Variants in LEKR1 observed in about 807,000 individuals in gnomAD.
LEKR1 encodes protein LEKR1.
A neutral mutation model predicts 72.4 loss-of-function variants in LEKR1; 59 were observed. The observed-to-expected ratio is 0.82, with a 90% CI of 0.66 to 1.01. The LOEUF (loss-of-function observed/expected upper bound fraction) is 1.01, where lower values mean the gene tolerates loss of function less well. Among genes scored for constraint, LEKR1 ranks in the 50% least tolerant of loss-of-function variants. The pLI, the probability that LEKR1 is intolerant of heterozygous loss-of-function variation, is 0.00. For missense variants in LEKR1, 728 were observed against 759.2 expected (o/e 0.96, Z 0.48); for synonymous variants, 257 against 263.2 (o/e 0.98, Z 0.23).
At chr3:156,972,697 AAAT>A (rs1220317562) in intron 6 of LEKR1, among the ~76,000 whole-genome samples, 1 of 142,528 alleles carries the variant, frequency 7.0e-6, no homozygotes, top group Non-Finnish European at 1.5e-5. Context: ...TAAGCAGATA[AAAT>A]AATATTATAT....
At chr3:156,890,538 A>C (rs1720543652) in intron 3 of LEKR1, among the ~76,000 whole-genome samples, 1 of 152,224 alleles carries the variant, frequency 6.6e-6, no homozygotes, top group Admixed American at 6.5e-5. Context: ...ATTTCTAAAT[A>C]TGAATAATTC....
At chr3:156,964,105 T>C (rs1404028205) in intron 6 of LEKR1, among the ~76,000 whole-genome samples, 1 of 152,202 alleles carries the variant, frequency 6.6e-6, no homozygotes, top group Non-Finnish European at 1.5e-5. Flanking sequence ...ATATGATGGT[T>C]TTTTGTTTTC....
At chr3:156,845,688 T>C (rs1303228416) in intron 2 of LEKR1, among the ~76,000 whole-genome samples, 2 of 152,130 alleles carry the variant, frequency 1.3e-5, no homozygotes, top group Non-Finnish European at 2.9e-5. Context: ...TTGATCTATG[T>C]GTCCTTCCTT....
intron 12 of LEKR1, among the ~76,000 whole-genome samples, chr3:157,037,344 A>G (rs550477242): frequency 6.6e-6 from 1 of 152,184 alleles, no homozygotes; most frequent in Admixed American, 6.5e-5. Context: ...CATTAATTTT[A>G]AAAAATTAAA....
chr3:156,966,374 C>A (rs1728589066), intron 6 of LEKR1, among the ~76,000 whole-genome samples: 1 of 152,146 alleles, frequency 6.6e-6, no homozygotes, highest in South Asian at 2.1e-4. Flanking sequence ...AATTCCCTTT[C>A]CTAGTAAAAG....
At chr3:156,877,041 G>C (rs189866075) in intron 3 of LEKR1, among the ~76,000 whole-genome samples, 2 of 152,086 alleles carry the variant, frequency 1.3e-5, no homozygotes, top group Admixed American at 1.3e-4. Flanking sequence ...AAGGATGCTG[G>C]GTTTTGTCAA....
At chr3:156,993,994 G>C (rs1164145576) in intron 9 of LEKR1, among the ~76,000 whole-genome samples, 1 of 151,864 alleles carries the variant, frequency 6.6e-6, no homozygotes, top group Non-Finnish European at 1.5e-5. Context: ...GCTTCTTTAA[G>C]AGATTATTTC....
chr3:156,902,067 C>T (rs937742087), intron 3 of LEKR1, among the ~76,000 whole-genome samples: 1 of 152,098 alleles, frequency 6.6e-6, no homozygotes, highest in Non-Finnish European at 1.5e-5. Flanking sequence ...AAAAACAGAC[C>T]AGGGTTTAAA....
chr3:156,901,962 G>T (rs1452440037), intron 3 of LEKR1, among the ~76,000 whole-genome samples: 1 of 152,206 alleles, frequency 6.6e-6, no homozygotes, highest in Non-Finnish European at 1.5e-5. Flanking sequence ...AGGATTACAC[G>T]TGTGAGTCAC....
intron 3 of LEKR1, among the ~76,000 whole-genome samples, chr3:156,857,012 G>C (rs1056973716): frequency 6.6e-6 from 1 of 151,950 alleles, no homozygotes; most frequent in Admixed American, 6.6e-5. Flanking sequence ...ATCCTGCCTA[G>C]TATGTTTCTG....
In LEKR1 at chr3:156,910,526, G is replaced by A. The variant is rs945596735; in HGVS notation, c.264-10049G>A. On this transcript the variant is annotated intron_variant, in intron 3 of 12. Coordinates refer to ENST00000356539, the MANE Select transcript of LEKR1 (RefSeq NM_001004316.3). ...ACTGTGGTCAGCACCTGAGTAACGGGATCATTTGTACCCAAAACCTCAGCA... is the reference window on the plus strand; with the variant it reads ...ACTGTGGTCAGCACCTGAGTAACGGAATCATTTGTACCCAAAACCTCAGCA... Among the ~76,000 whole-genome samples the A allele has an allele frequency of 2.6e-5, 4 of 152,118 alleles. No homozygotes were observed. The South Asian group carries it at 8.3e-4, about 32-fold the overall frequency.
intron 5 of LEKR1, among the ~76,000 whole-genome samples, chr3:156,936,463 ACACC>A (rs774582889): frequency 0.075 from 9,150 of 121,888 alleles, 355 homozygotes; most frequent in South Asian, 0.16. Flanking sequence ...ACACACACAC[ACACC>A]CCCCGTATGC....
chr3:156,876,979 A>G (rs1407030760), intron 3 of LEKR1, among the ~76,000 whole-genome samples: 1 of 152,124 alleles, frequency 6.6e-6, no homozygotes, highest in African/African-American at 2.4e-5. Flanking sequence ...AGCTTTTATT[A>G]CCTTAAGGTA....
At chr3:157,011,374 G>A (rs772149571) in intron 9 of LEKR1, 39 bp from the exon 10 acceptor site, 2 of 1,319,454 alleles carry the variant, frequency 1.5e-6, no homozygotes, top group East Asian at 4.6e-5. Context: ...TTGTGTTAGG[G>A]GTAAGTATTG....
intron 7 of LEKR1, among the ~76,000 whole-genome samples, chr3:156,985,877 G>A (rs1314234523): frequency 6.6e-6 from 1 of 151,026 alleles, no homozygotes. Flanking sequence ...TTGAAATGGG[G>A]AAATTATCCT....
At chr3:156,880,945 C>G (rs1719243765) in intron 3 of LEKR1, among the ~76,000 whole-genome samples, 1 of 152,140 alleles carries the variant, frequency 6.6e-6, no homozygotes, top group Admixed American at 6.6e-5. Context: ...CGACAAAATT[C>G]AAAAACCTTC....
At chr3:156,990,591 A>G (rs1731074997) in intron 7 of LEKR1, among the ~76,000 whole-genome samples, 1 of 152,196 alleles carries the variant, frequency 6.6e-6, no homozygotes, top group Non-Finnish European at 1.5e-5. Flanking sequence ...TTCTACTGTA[A>G]GCAAGATCCT....
intron 9 of LEKR1, among the ~76,000 whole-genome samples, chr3:157,006,031 C>A (rs1732399339): frequency 6.7e-6 from 1 of 150,344 alleles, no homozygotes; most frequent in African/African-American, 2.5e-5. Context: ...CGGAGTCTCG[C>A]TCTGTCGCCC....
intron 5 of LEKR1, among the ~76,000 whole-genome samples, chr3:156,936,467 C>CACACACACACA (rs767163001): frequency 0.027 from 1,914 of 70,120 alleles, 69 homozygotes; most frequent in African/African-American, 0.057. Flanking sequence ...ACACACACAC[C>CACACACACACA]CCCCGTATGC....
Sources: gnomAD v4.1 joint callset for allele counts (sites outside exome capture counted in the v4.1 genomes callset) on GRCh38, gnomAD v4.1.1 for gene constraint, MANE v1.5 for transcripts, NCBI Gene and HGNC (gene_info 2026-07-23, HGNC 2026-07-21) for gene names.